Variants in XRCC4 observed in about 807,000 individuals in gnomAD.
XRCC4 encodes the protein X-ray repair cross complementing 4, also known as DNA repair protein XRCC4.
In XRCC4, 28 loss-of-function variants were observed where a neutral mutation model predicts 39.1. That is an observed-to-expected ratio of 0.72 (90% CI 0.53 to 0.98). The LOEUF is 0.98. XRCC4 is among the 50% of genes least tolerant of loss of function. The pLI, the probability that XRCC4 is intolerant of heterozygous loss-of-function variation, is 0.00. For missense variants in XRCC4, 350 were observed against 376.4 expected, an observed-to-expected ratio of 0.93 and a Z score of 0.58; for synonymous variants, 123 against 126.4, an observed-to-expected ratio of 0.97 and a Z score of 0.18.
rs144254571 is a variant in XRCC4 at position 83,212,068 on chromosome 5, C to CTA, written c.745+7158_745+7159dup. Among the ~76,000 whole-genome samples the CTA allele has an allele frequency of 3.6e-3, 543 of 151,326 alleles. 1 individual carries two copies. The highest frequency in any genetic ancestry group is 0.012 in the African/African-American group (512 of 41,240). On this transcript the variant is annotated intron_variant, in intron 6 of 7. Coordinates refer to ENST00000396027, the MANE Select transcript of XRCC4 (RefSeq NM_003401.5). ...GCACAGTTTATATCTATATCTGTAT[C>CTA]TATATATATATACACACATACACAC...
intron 3 of XRCC4, among the ~76,000 whole-genome samples, chr5:83,122,506 A>G (rs1408320367): frequency 6.6e-6 from 1 of 152,150 alleles, no homozygotes; most frequent in Non-Finnish European, 1.5e-5. Flanking sequence ...CCAGAATGTC[A>G]GTAGTGTTGA....
At chr5:83,340,523 C>T (rs1037580308) in intron 7 of XRCC4, among the ~76,000 whole-genome samples, 4 of 151,998 alleles carry the variant, frequency 2.6e-5, no homozygotes, top group African/African-American at 7.2e-5. Context: ...TAAGACTAAG[C>T]AAGCAACATC....
intron 4 of XRCC4, among the ~76,000 whole-genome samples, chr5:83,200,272 A>ACTAATACTTTTTCTCCAGTCAGCTCC (rs1561399247): frequency 1.3e-5 from 2 of 152,190 alleles, no homozygotes; most frequent in Non-Finnish European, 2.9e-5. Context: ...AACTGTTCAC[A>ACTAATACTTTTTCTCCAGTCAGCTCC]CTAATACTTT....
chr5:83,255,416 G>A (rs1316286018), intron 6 of XRCC4, among the ~76,000 whole-genome samples: 1 of 152,118 alleles, frequency 6.6e-6, no homozygotes, highest in Non-Finnish European at 1.5e-5. Flanking sequence ...TATACAGCTA[G>A]CCCTTTTTCT....
chr5:83,106,281 T>G (rs1337680688), intron 2 of XRCC4, among the ~76,000 whole-genome samples: 8 of 152,104 alleles, frequency 5.3e-5, no homozygotes, highest in African/African-American at 1.9e-4. Context: ...GGCAATAGAT[T>G]AATGCTGGTC....
intron 6 of XRCC4, among the ~76,000 whole-genome samples, chr5:83,248,388 A>G (rs1362341598): frequency 6.6e-6 from 1 of 152,202 alleles, no homozygotes; most frequent in Non-Finnish European, 1.5e-5. Context: ...TGTATAAACT[A>G]TAGCAGTAAT....
intron 2 of XRCC4, among the ~76,000 whole-genome samples, chr5:83,107,336 A>G (rs1746243764): frequency 6.6e-6 from 1 of 152,000 alleles, no homozygotes; most frequent in South Asian, 2.1e-4. Context: ...TGAAACAATT[A>G]AATAATTGAA....
intron 3 of XRCC4, among the ~76,000 whole-genome samples, chr5:83,194,077 C>T (rs1403346719): frequency 3.3e-5 from 5 of 152,214 alleles, no homozygotes; most frequent in Non-Finnish European, 4.4e-5. Flanking sequence ...GGCTTATAAG[C>T]GTGCACCACC....
At chr5:83,082,858 T>C (rs1323141072) in intron 1 of XRCC4, among the ~76,000 whole-genome samples, 1 of 152,102 alleles carries the variant, frequency 6.6e-6, no homozygotes, top group Non-Finnish European at 1.5e-5. Context: ...CATGATCTGG[T>C]CTCCCATTAC....
intron 7 of XRCC4, among the ~76,000 whole-genome samples, chr5:83,302,938 C>T (rs961139399): frequency 6.6e-6 from 1 of 152,128 alleles, no homozygotes; most frequent in Admixed American, 6.5e-5. Context: ...TCAGGCCGGG[C>T]GCAGTGGCTT....
rs780963571 is a variant in XRCC4, at chr5:83,147,752, T to C, written c.315+36549T>C. Among the ~76,000 whole-genome samples, 133 of 151,438 alleles carry C rather than the reference T, an allele frequency of 8.8e-4. 1 individual carries two copies. Among genetic ancestry groups the C allele is most frequent in the Non-Finnish European group, 1.4e-3 (96 of 67,898 alleles). On this transcript the variant is annotated intron_variant, in intron 3 of 7. Transcript: ENST00000396027. ...TATGTGAAGTAATGCATATGTTAAT[T>C]AGCTCAATTTAGCCATTGCGCAATG...
chr5:83,086,589 CTG>C (rs1745192543), intron 1 of XRCC4, among the ~76,000 whole-genome samples: 1 of 152,102 alleles, frequency 6.6e-6, no homozygotes, highest in East Asian at 1.9e-4. Flanking sequence ...CTTGCTGTCT[CTG>C]GGCTGGCAGA....
intron 7 of XRCC4, among the ~76,000 whole-genome samples, chr5:83,336,755 A>G (rs1756606360): frequency 6.6e-6 from 1 of 152,182 alleles, no homozygotes; most frequent in Non-Finnish European, 1.5e-5. Context: ...AGCATTTGTT[A>G]GTGAGACTTT....
At chr5:83,206,490 A>T (rs1751428550) in intron 6 of XRCC4, among the ~76,000 whole-genome samples, 1 of 152,070 alleles carries the variant, frequency 6.6e-6, no homozygotes, top group African/African-American at 2.4e-5. Flanking sequence ...ATCTTAATAG[A>T]ACATATTCAC....
chr5:83,245,158 T>C (rs1473852455), intron 6 of XRCC4, among the ~76,000 whole-genome samples: 1 of 152,080 alleles, frequency 6.6e-6, no homozygotes, highest in African/African-American at 2.4e-5. Flanking sequence ...TAGCTTTTGA[T>C]GTCCTCGGGT....
intron 3 of XRCC4, among the ~76,000 whole-genome samples, chr5:83,189,462 A>T (rs1313376089): frequency 6.6e-6 from 1 of 152,134 alleles, no homozygotes; most frequent in Non-Finnish European, 1.5e-5. Context: ...TCACCCCTAG[A>T]TTATTGCATT....
chr5:83,301,614 A>G (rs1755287686), intron 7 of XRCC4, among the ~76,000 whole-genome samples: 1 of 152,060 alleles, frequency 6.6e-6, no homozygotes, highest in Non-Finnish European at 1.5e-5. Flanking sequence ...TTTTGTTGCA[A>G]TTGCTTTTGG....
intron 3 of XRCC4, among the ~76,000 whole-genome samples, chr5:83,114,799 A>G (rs1258477614): frequency 3.3e-5 from 5 of 152,116 alleles, no homozygotes; most frequent in Non-Finnish European, 7.4e-5. Flanking sequence ...TTATAGCAGC[A>G]CTCCAGTCTA....
At chr5:83,200,171 G>A (rs72767188) in intron 4 of XRCC4, among the ~76,000 whole-genome samples, 9,457 of 152,156 alleles carry the variant, frequency 0.062, 477 homozygotes, top group African/African-American at 0.13. Context: ...GGAATGATAC[G>A]ACATACCTCT....
Sources: gnomAD v4.1 joint callset for allele counts (sites outside exome capture counted in the v4.1 genomes callset) on GRCh38, gnomAD v4.1.1 for gene constraint, MANE v1.5 for transcripts, NCBI Gene and HGNC (gene_info 2026-07-23, HGNC 2026-07-21) for gene names.